Variants in FAM184B observed in about 807,000 individuals in gnomAD.
The protein encoded by FAM184B is family with sequence similarity 184 member B.
A neutral mutation model predicts 135.9 loss-of-function variants in FAM184B; 111 were observed. The ratio of observed to expected loss-of-function variants is 0.82; its 90% confidence interval spans 0.70 to 0.96. The LOEUF is 0.96. FAM184B is among the 40% of genes least tolerant of loss of function. The pLI, the probability that FAM184B is intolerant of heterozygous loss-of-function variation, is 0.00. For missense variants in FAM184B, 1,375 were observed against 1,323.9 expected, an observed-to-expected ratio of 1.04 and a Z score of -0.60; for synonymous variants, 552 against 524.8, an observed-to-expected ratio of 1.05 and a Z score of -0.71.
At chr4:17,753,275 T>G (rs1718342358) in intron 1 of FAM184B, among the ~76,000 whole-genome samples, 1 of 152,234 alleles carries the variant, frequency 6.6e-6, no homozygotes, top group Non-Finnish European at 1.5e-5. Context: ...GGATCATGTC[T>G]TATTCTTGAC....
At position 17,720,528 on chromosome 4, in the gene FAM184B, TACATTGC is replaced by T. The variant is rs765078468; in HGVS notation, c.142-10891_142-10885del. On this transcript the variant is annotated intron_variant, in intron 1 of 17. Transcript: ENST00000265018. The stretch of plus-strand genomic sequence containing the variant: ...GGATGTGGAAAAATTGGAGCCCCTG[TACATTGC>T]TGGTGGGAATGTAAAATGGTGTAGC... Among the ~76,000 whole-genome samples, 137 of 152,316 alleles carry T rather than the reference TACATTGC, an allele frequency of 9.0e-4. No individual in the cohort carries two copies. The Middle Eastern group carries it at 0.014, about 15-fold the overall frequency.
rs750917547 is a variant in FAM184B, at chr4:17,635,134, A to G, written c.2785-21T>C. 7.2e-6 allele frequency: 11 copies of G among 1,527,880 alleles called. No individual in the cohort carries two copies. The South Asian group carries it at 1.2e-4, about 17-fold the overall frequency. 94.6% of individuals were successfully genotyped at this position (1,527,880 alleles called of 1,614,324 possible). On this transcript the variant is annotated intron_variant, in intron 15 of 17. Transcript: ENST00000265018. Reference sequence around the variant, plus strand: ...TCTTCCTAGAAAACCAATACAACTGAGTCTAAATGAGCCTAACCACACAGC... The same window carrying G: ...TCTTCCTAGAAAACCAATACAACTGGGTCTAAATGAGCCTAACCACACAGC...
intron 1 of FAM184B, among the ~76,000 whole-genome samples, chr4:17,722,647 C>T (rs1315270832): frequency 2.0e-5 from 3 of 152,114 alleles, no homozygotes; most frequent in African/African-American, 7.2e-5. Context: ...TTAATGAGAG[C>T]CCCACCGTCT....
intron 7 of FAM184B, among the ~76,000 whole-genome samples, chr4:17,683,958 C>A (rs1716507463): frequency 6.6e-6 from 1 of 151,596 alleles, no homozygotes; most frequent in South Asian, 2.1e-4. Flanking sequence ...CACCTGTAGT[C>A]CCAGCCACTC....
intron 1 of FAM184B, among the ~76,000 whole-genome samples, chr4:17,756,497 C>G (rs996656437): frequency 1.3e-5 from 2 of 152,096 alleles, no homozygotes; most frequent in Non-Finnish European, 2.9e-5. Context: ...GGAAAATAAA[C>G]CGTAATTTTT....
chr4:17,631,465 A>G lies in FAM184B; in HGVS notation c.*1067T>C, dbSNP rs926318493. 3 of 152,238 alleles carry G rather than the reference A, an allele frequency of 2.0e-5. No homozygotes were observed. Among genetic ancestry groups the G allele is most frequent in the African/African-American group, 7.2e-5 (3 of 41,456 alleles). 9.4% of individuals were successfully genotyped at this position (152,238 alleles called of 1,614,324 possible). ...CAGGCATGAGCCATGTGCCCAGTCT[A>G]GAAGATCTTTGACTTCAAAGAACAG... On this transcript the variant is annotated 3_prime_UTR_variant, in exon 18 of 18. Transcript: ENST00000265018.
At chr4:17,698,157 A>C (rs1474315725) in intron 5 of FAM184B, among the ~76,000 whole-genome samples, 3 of 152,208 alleles carry the variant, frequency 2.0e-5, no homozygotes, top group Non-Finnish European at 4.4e-5. Context: ...CAGATATTTA[A>C]ACTGCTTCAG....
At chr4:17,720,647 G>T (rs1323568050) in intron 1 of FAM184B, among the ~76,000 whole-genome samples, 1 of 151,960 alleles carries the variant, frequency 6.6e-6, no homozygotes, top group Admixed American at 6.6e-5. Context: ...CAGCACTTTG[G>T]GAGGCTGAGG....
chr4:17,708,798 A>G, intron 2 of FAM184B, 94 bp downstream of exon 2: 1 of 1,356,176 alleles, frequency 7.4e-7, no homozygotes. Context: ...GTAGAAGGCA[A>G]GTGCTTAGCA....
At chr4:17,712,962 C>T (rs73800357) in intron 1 of FAM184B, among the ~76,000 whole-genome samples, 2,416 of 152,252 alleles carry the variant, frequency 0.016, 51 homozygotes, top group African/African-American at 0.054. Context: ...GATTTAATAA[C>T]GGTTTACCTG....
At chr4:17,636,493 A>G in intron 15 of FAM184B, 35 bp downstream of exon 15, 1 of 1,510,528 alleles carries the variant, frequency 6.6e-7, no homozygotes. Flanking sequence ...GTGCCCGGCC[A>G]GGTGCGTGGG....
chr4:17,758,868 G>C (rs16895664), intron 1 of FAM184B, among the ~76,000 whole-genome samples: 4,303 of 151,470 alleles, frequency 0.028, 176 homozygotes, highest in African/African-American at 0.089. Flanking sequence ...CGAATTTAGG[G>C]GGTAAAAAAA....
rs957032005 is a variant in FAM184B at position 17,775,609 on chromosome 4, C to T, written c.141+5550G>A. Among the ~76,000 whole-genome samples, 8 of 152,230 alleles carry T rather than the reference C, an allele frequency of 5.3e-5. No homozygotes were observed. In the East Asian group the frequency reaches 1.2e-3, roughly 22 times the overall value. On this transcript the variant is annotated intron_variant, in intron 1 of 17. Transcript: ENST00000265018. ...CAGTTTTGTCAACTGACCCAATCAT[C>T]TCTTGTAGCAATTTTTCTGGTCGGT...
intron 7 of FAM184B, among the ~76,000 whole-genome samples, chr4:17,675,746 TTA>T (rs1467903200): frequency 6.6e-6 from 1 of 152,196 alleles, no homozygotes; most frequent in African/African-American, 2.4e-5. Flanking sequence ...TTGCTGCTTG[TTA>T]TGTTATAGAG....
intron 6 of FAM184B, among the ~76,000 whole-genome samples, chr4:17,690,613 A>G (rs1716711569): frequency 6.6e-6 from 1 of 152,204 alleles, no homozygotes; most frequent in South Asian, 2.1e-4. Flanking sequence ...GTCCTTCCAG[A>G]CTTTCCATAA....
At chr4:17,657,437 C>G (rs1477936938) in intron 10 of FAM184B, among the ~76,000 whole-genome samples, 1 of 152,160 alleles carries the variant, frequency 6.6e-6, no homozygotes, top group Non-Finnish European at 1.5e-5. Flanking sequence ...TATTCCCTCT[C>G]CCTTGGTTTG....
intron 5 of FAM184B, among the ~76,000 whole-genome samples, chr4:17,700,262 G>A (rs142297243): frequency 2.1e-3 from 316 of 152,228 alleles, no homozygotes; most frequent in African/African-American, 6.9e-3. Flanking sequence ...TATAAAAAAG[G>A]ATCCAAGTAT....
At chr4:17,638,291 C>T (rs1044896742) in intron 14 of FAM184B, among the ~76,000 whole-genome samples, 4 of 151,684 alleles carry the variant, frequency 2.6e-5, no homozygotes, top group East Asian at 1.9e-4. Context: ...TGAGCTCAGA[C>T]GATCCTCCCG....
chr4:17,658,504 T>C lies in FAM184B; in HGVS notation c.1883A>G (p.Gln628Arg), dbSNP rs1352054627. ...QCTSNYREDL[Q>R]ALKQLSDLER... is the part of the protein sequence containing the mutation. The stretch of plus-strand genomic sequence containing the variant: ...CAGGTCCGAGAGCTGCTTGAGTGCC[T>C]GCAGGTCCTCCCTGTAGTTGCTGGT... Residue 628 changes from glutamine (Q) to arginine (R), a missense_variant, in exon 10 of 18, where the codon CAG becomes CGG. Physicochemically the swap from Gln to Arg is conservative, Grantham distance 43. Coordinates refer to ENST00000265018, the MANE Select transcript of FAM184B (RefSeq NM_015688.2). 6 of 1,551,452 alleles carry C rather than the reference T, an allele frequency of 3.9e-6. No homozygotes were observed. The highest frequency in any genetic ancestry group is 5.2e-6 in the Non-Finnish European group (6 of 1,146,992).
Sources: gnomAD v4.1 joint callset for allele counts (sites outside exome capture counted in the v4.1 genomes callset) on GRCh38, gnomAD v4.1.1 for gene constraint, MANE v1.5 for transcripts, NCBI Gene and HGNC (gene_info 2026-07-23, HGNC 2026-07-21) for gene names.